The following JARID2 variants were observed in gnomAD, a reference collection of about 807,000 sequenced individuals.
The protein encoded by JARID2 is protein Jumonji.
Under a neutral mutation model 125.6 loss-of-function variants are expected in JARID2, and 21 were observed. The ratio of observed to expected loss-of-function variants is 0.17; its 90% CI spans 0.12 to 0.24. The LOEUF (loss-of-function observed/expected upper bound fraction) is 0.24. Among genes scored for constraint, JARID2 ranks in the 10% least tolerant of loss-of-function variants. The pLI is 1.00. For missense variants in JARID2, 1,303 were observed against 1,639.6 expected, an observed-to-expected ratio of 0.79 and a Z score of 3.55; for synonymous variants, 736 against 661.6, an observed-to-expected ratio of 1.11 and a Z score of -1.73.
chr6:15,258,647 T>C (rs1759758193), intron 1 of JARID2, among the ~76,000 whole-genome samples: 1 of 152,146 alleles, frequency 6.6e-6, no homozygotes, highest in East Asian at 1.9e-4. Flanking sequence ...CCAGGTGTGG[T>C]GGCAAGCGCC....
At chr6:15,500,080 C>CTACCCCCCT (rs1167529146) in intron 7 of JARID2, among the ~76,000 whole-genome samples, 2 of 152,340 alleles carry the variant, frequency 1.3e-5, no homozygotes, top group East Asian at 3.9e-4. Flanking sequence ...AAAATCTCCC[C>CTACCCCCCT]TACCCCCCTT....
chr6:15,467,063 T>TG (rs947887489), intron 4 of JARID2, among the ~76,000 whole-genome samples: 4 of 152,192 alleles, frequency 2.6e-5, no homozygotes, highest in Non-Finnish European at 4.4e-5. Flanking sequence ...TCACATAATT[T>TG]GGGGGGTTTT....
intron 1 of JARID2, among the ~76,000 whole-genome samples, chr6:15,283,002 G>T (rs1391381699): frequency 1.3e-5 from 2 of 150,132 alleles, no homozygotes; most frequent in African/African-American, 4.9e-5. Flanking sequence ...TTTTTGAGAC[G>T]GAGTCTCACT....
At chr6:15,497,248 C>CGAA in intron 7 of JARID2, 78 bp downstream of exon 7, 3 of 1,115,990 alleles carry the variant, frequency 2.7e-6, no homozygotes, top group Non-Finnish European at 2.5e-6. Context: ...ACAGTCTTCA[C>CGAA]GTTCTCTTCC....
chr6:15,489,064 G>A (rs1444038803), intron 6 of JARID2, among the ~76,000 whole-genome samples: 1 of 152,194 alleles, frequency 6.6e-6, no homozygotes, highest in Non-Finnish European at 1.5e-5. Context: ...TCTCCAATGT[G>A]TAAGGTTTTT....
intron 3 of JARID2, among the ~76,000 whole-genome samples, chr6:15,444,038 T>A (rs1192233059): frequency 6.6e-6 from 1 of 152,200 alleles, no homozygotes; most frequent in Non-Finnish European, 1.5e-5. Context: ...ATATTTAATA[T>A]CCTGCGGTTT....
At chr6:15,361,693 A>G (rs201819193) in intron 1 of JARID2, among the ~76,000 whole-genome samples, 1 of 152,030 alleles carries the variant, frequency 6.6e-6, no homozygotes, top group African/African-American at 2.4e-5. Flanking sequence ...TAAACCCCCA[A>G]CTGCCACATT....
intron 4 of JARID2, among the ~76,000 whole-genome samples, chr6:15,467,082 G>A (rs1386046513): frequency 6.6e-6 from 1 of 152,194 alleles, no homozygotes; most frequent in Non-Finnish European, 1.5e-5. Context: ...TTTGAACATT[G>A]ATAGGTCATG....
In JARID2 at chr6:15,521,130, C is replaced by T. The variant is rs111871574; in HGVS notation, c.*879C>T. ...ATGGAAGCCGTAAGTGCTTCTTTGTCATCGACGTGCAATCTTTCTAACATT... is the reference window on the plus strand; with the variant it reads ...ATGGAAGCCGTAAGTGCTTCTTTGTTATCGACGTGCAATCTTTCTAACATT... On this transcript the variant is annotated 3_prime_UTR_variant, in exon 18 of 18. Transcript: ENST00000341776. The T allele has an allele frequency of 3.0e-5, 5 of 163,964 alleles. No homozygotes were observed. The highest frequency in any genetic ancestry group is 1.2e-4 in the African/African-American group (5 of 40,092). 10.2% of individuals were successfully genotyped at this position (163,964 alleles called of 1,614,324 possible). A position where few individuals can be genotyped will look rare whatever the true frequency, so the allele number is the denominator to read the frequency against.
rs1769181602 is a variant in JARID2 at position 15,473,514 on chromosome 6, G to GGCCCCC, written c.670+4796_670+4797insGCCCCC. On this transcript the variant is annotated intron_variant, in intron 5 of 17. Coordinates refer to ENST00000341776, the MANE Select transcript of JARID2 (RefSeq NM_004973.4). ...GTCTCCCTTGTCTTCTGATGTGCGT[G>GGCCCCC]CCCCCCCCCCCCCCCCGCTTTGTGT... Among the ~76,000 whole-genome samples, 3 of 35,068 alleles carry GGCCCCC rather than the reference G, an allele frequency of 8.6e-5. 1 individual carries two copies. The highest frequency in any genetic ancestry group is 8.9e-4 in the Admixed American group (2 of 2,238). The allele number at this position is 35,068 out of a possible 152,430, so 23.0% of individuals were successfully genotyped here.
chr6:15,397,069 T>G (rs1316602979), intron 2 of JARID2, among the ~76,000 whole-genome samples: 1 of 152,242 alleles, frequency 6.6e-6, no homozygotes, highest in Non-Finnish European at 1.5e-5. Context: ...CAAGCCAGAC[T>G]GTGTGTGTAC....
chr6:15,337,808 G>T (rs1173901200), intron 1 of JARID2, among the ~76,000 whole-genome samples: 6 of 152,152 alleles, frequency 3.9e-5, no homozygotes, highest in Admixed American at 3.3e-4. Flanking sequence ...GAGAACTGCA[G>T]ATTTGAGAGG....
At chr6:15,422,333 A>G (rs916022682) in intron 3 of JARID2, among the ~76,000 whole-genome samples, 1 of 152,180 alleles carries the variant, frequency 6.6e-6, no homozygotes, top group African/African-American at 2.4e-5. Flanking sequence ...GCTTGTGCAT[A>G]TTCACCTTTC....
At chr6:15,410,394 A>T (rs1463830979) in intron 3 of JARID2, 29 bp downstream of exon 3, 6 of 1,607,318 alleles carry the variant, frequency 3.7e-6, no homozygotes, top group Non-Finnish European at 4.3e-6. Flanking sequence ...AAATATTGGT[A>T]CCTTCAACCA....
intron 1 of JARID2, among the ~76,000 whole-genome samples, chr6:15,352,265 A>ATTT (rs1245663018): frequency 6.6e-6 from 1 of 152,140 alleles, no homozygotes; most frequent in East Asian, 1.9e-4. Context: ...AAAGACTATA[A>ATTT]TTTTAACAAG....
intron 17 of JARID2, among the ~76,000 whole-genome samples, chr6:15,519,352 G>C (rs1212245972): frequency 6.6e-6 from 1 of 152,180 alleles, no homozygotes; most frequent in African/African-American, 2.4e-5. Context: ...TGTGATGGGA[G>C]CCAGCTGTCA....
At chr6:15,514,538 C>G (rs1390729338) in intron 16 of JARID2, among the ~76,000 whole-genome samples, 1 of 152,230 alleles carries the variant, frequency 6.6e-6, no homozygotes, top group Non-Finnish European at 1.5e-5. Context: ...TCTCCTTGGC[C>G]TCCCAGTGTG....
chr6:15,421,102 C>G (rs971293595), intron 3 of JARID2, among the ~76,000 whole-genome samples: 2 of 152,080 alleles, frequency 1.3e-5, no homozygotes, highest in South Asian at 4.1e-4. Context: ...CCTTGTGTTT[C>G]TCAACCCCGG....
chr6:15,477,511 T>A (rs927594669), intron 5 of JARID2, among the ~76,000 whole-genome samples: 49 of 150,462 alleles, frequency 3.3e-4, no homozygotes, highest in African/African-American at 7.5e-4. Flanking sequence ...TTGGTTTTTT[T>A]TTTTTTTTTT....
Sources: allele counts gnomAD v4.1 joint callset (sites outside exome capture counted in the v4.1 genomes callset), GRCh38; gene constraint gnomAD v4.1.1; transcripts MANE v1.5; gene names NCBI Gene and HGNC (gene_info 2026-07-23, HGNC 2026-07-21).